Variants in CSMD1 observed in about 807,000 individuals in gnomAD.
The protein encoded by CSMD1 is CUB and sushi domain-containing protein 1.
Under a neutral mutation model 417.5 loss-of-function variants are expected in CSMD1, and 213 were observed. That is an observed-to-expected ratio of 0.51 (90% CI 0.46 to 0.57). The LOEUF (loss-of-function observed/expected upper bound fraction) is 0.57. Ranked by LOEUF, CSMD1 falls within the 20% of genes least tolerant of loss-of-function variation. The pLI is 0.00. For synonymous variants in CSMD1, 2,862 were observed against 1,736.8 expected (o/e 1.65, Z -16.11); for missense variants, 6,923 against 4,529.7 (o/e 1.53, Z -15.17).
rs578002958 is a variant in CSMD1, at chr8:3,809,506, T to C, written c.819-55464A>G. Among the ~76,000 whole-genome samples, 7 of 152,328 alleles carry C rather than the reference T, an allele frequency of 4.6e-5. No homozygotes were observed. The South Asian group carries it at 1.2e-3, about 27-fold the overall frequency. ...GCGTGATCCTTCAGTTTCCTTTTAA[T>C]TGGGTCATCCCAGAAATTAGTGGGT... On this transcript the variant is annotated intron_variant, in intron 5 of 69. Coordinates refer to ENST00000635120, the MANE Select transcript of CSMD1 (RefSeq NM_033225.6).
intron 10 of CSMD1, among the ~76,000 whole-genome samples, chr8:3,547,767 T>A (rs1798736875): frequency 6.6e-6 from 1 of 152,220 alleles, no homozygotes; most frequent in Non-Finnish European, 1.5e-5. Context: ...AAATGTGTTG[T>A]GTTTTTCTTG....
chr8:4,143,838 G>A (rs1016312065), intron 3 of CSMD1, among the ~76,000 whole-genome samples: 1 of 151,160 alleles, frequency 6.6e-6, no homozygotes, highest in Non-Finnish European at 1.5e-5. Flanking sequence ...TGGGATTTAA[G>A]TACTTATTTT....
At chr8:3,651,148 G>T (rs974413300) in intron 7 of CSMD1, among the ~76,000 whole-genome samples, 16 of 152,104 alleles carry the variant, frequency 1.1e-4, no homozygotes, top group African/African-American at 3.9e-4. Flanking sequence ...TAGCTTTCTT[G>T]CCGGTCTTTG....
intron 5 of CSMD1, among the ~76,000 whole-genome samples, chr8:3,902,236 C>T (rs1807803438): frequency 6.6e-6 from 1 of 152,170 alleles, no homozygotes; most frequent in South Asian, 2.1e-4. Context: ...CCATTGACCA[C>T]CTCCCAACCC....
At chr8:4,905,578 G>T (rs546030440) in intron 1 of CSMD1, among the ~76,000 whole-genome samples, 1 of 152,058 alleles carries the variant, frequency 6.6e-6, no homozygotes, top group South Asian at 2.1e-4. Flanking sequence ...CCAGCACTTT[G>T]GGAGGCCAAG....
intron 18 of CSMD1, among the ~76,000 whole-genome samples, chr8:3,381,063 T>A (rs62503514): frequency 0.1 from 15,967 of 152,182 alleles, 913 homozygotes; most frequent in Middle Eastern, 0.15. Flanking sequence ...AGGCAAAGTC[T>A]CTTGCTTGGG....
intron 54 of CSMD1, among the ~76,000 whole-genome samples, chr8:2,982,743 C>T (rs141289189): frequency 1.7e-4 from 26 of 152,334 alleles, no homozygotes; most frequent in African/African-American, 5.8e-4. Context: ...AGGTGTGCTC[C>T]ACATCCTCGC....
At chr8:4,412,425 T>A (rs969078183) in intron 3 of CSMD1, among the ~76,000 whole-genome samples, 1 of 152,172 alleles carries the variant, frequency 6.6e-6, no homozygotes, top group African/African-American at 2.4e-5. Context: ...CCTTCTACCA[T>A]GATTGGAAGC....
intron 5 of CSMD1, among the ~76,000 whole-genome samples, chr8:3,855,389 A>G (rs937591171): frequency 3.3e-5 from 5 of 152,196 alleles, no homozygotes; most frequent in Non-Finnish European, 7.3e-5. Flanking sequence ...ACAGAACAAA[A>G]TAAAAACAAC....
At chr8:3,174,467 C>A (rs1820783944) in intron 37 of CSMD1, among the ~76,000 whole-genome samples, 1 of 152,142 alleles carries the variant, frequency 6.6e-6, no homozygotes, top group African/African-American at 2.4e-5. Context: ...TGCACTCCAG[C>A]CTGGGCCAGA....
chr8:4,318,138 A>G (rs370558902), intron 3 of CSMD1, among the ~76,000 whole-genome samples: 3 of 152,258 alleles, frequency 2.0e-5, no homozygotes, highest in African/African-American at 7.2e-5. Flanking sequence ...CTACATTGTT[A>G]TTTATGAAAT....
chr8:3,215,231 T>C (rs1797815164), intron 29 of CSMD1, among the ~76,000 whole-genome samples: 1 of 152,236 alleles, frequency 6.6e-6, no homozygotes. Flanking sequence ...GATGGATGCT[T>C]GTTCTCATTC....
intron 52 of CSMD1, among the ~76,000 whole-genome samples, chr8:3,012,700 T>C (rs933039430): frequency 6.6e-6 from 1 of 152,198 alleles, no homozygotes; most frequent in African/African-American, 2.4e-5. Context: ...CTTAGTTGTC[T>C]TGTTTGGAAG....
chr8:4,896,403 G>A lies in CSMD1; in HGVS notation c.85+97929C>T, dbSNP rs57800135. 1.0e-2 allele frequency among the ~76,000 whole-genome samples: 1,520 copies of A among 152,100 alleles called. 35 individuals carry two copies. Among genetic ancestry groups the A allele is most frequent in the African/African-American group, 0.034 (1,402 of 41,438 alleles). On this transcript the variant is annotated intron_variant, in intron 1 of 69. Coordinates refer to ENST00000635120, the MANE Select transcript of CSMD1 (RefSeq NM_033225.6). ...ATTTTCAAAATTATTTACTCGCTTC[G>A]ATTATTTACTGATGTTTTCTCAATT...
intron 6 of CSMD1, among the ~76,000 whole-genome samples, chr8:3,734,328 C>G (rs1005910442): frequency 6.6e-6 from 1 of 152,126 alleles, no homozygotes; most frequent in Non-Finnish European, 1.5e-5. Context: ...TTACTGATAG[C>G]CAAGAGACTG....
intron 57 of CSMD1, among the ~76,000 whole-genome samples, chr8:2,970,229 G>A (rs574458854): frequency 6.6e-6 from 1 of 152,262 alleles, no homozygotes; most frequent in Admixed American, 6.5e-5. Flanking sequence ...GCCCCACAGA[G>A]GTGAGATTGC....
At chr8:3,341,294 C>T (rs1001400021) in intron 23 of CSMD1, among the ~76,000 whole-genome samples, 5 of 152,160 alleles carry the variant, frequency 3.3e-5, no homozygotes, top group African/African-American at 4.8e-5. Context: ...ACCTGGACAA[C>T]AGAAGAGGCT....
At chr8:4,057,588 A>C (rs962713259) in intron 3 of CSMD1, among the ~76,000 whole-genome samples, 1 of 151,838 alleles carries the variant, frequency 6.6e-6, no homozygotes, top group East Asian at 2.0e-4. Context: ...TTTTGGTGTT[A>C]TAGACATGAA....
At chr8:3,602,120 A>G (rs1038350533) in intron 8 of CSMD1, among the ~76,000 whole-genome samples, 3 of 152,212 alleles carry the variant, frequency 2.0e-5, no homozygotes, top group African/African-American at 7.2e-5. Context: ...TGAACTGCAC[A>G]CTTAAAATGG....
Sources: gnomAD v4.1 joint callset for allele counts (sites outside exome capture counted in the v4.1 genomes callset) on GRCh38, gnomAD v4.1.1 for gene constraint, MANE v1.5 for transcripts, NCBI Gene and HGNC (gene_info 2026-07-23, HGNC 2026-07-21) for gene names.